The following TMEM260 variants were observed in gnomAD, a reference collection of about 807,000 sequenced individuals.
TMEM260 encodes the protein protein O-mannosyl-transferase TMEM260.
Under a neutral mutation model 88.9 loss-of-function variants are expected in TMEM260, and 82 were observed. That is an observed-to-expected ratio of 0.92 (90% CI 0.77 to 1.11). TMEM260 has a LOEUF of 1.11. TMEM260 is among the 50% of genes least tolerant of loss of function. The pLI is 0.00. For synonymous variants in TMEM260, 314 were observed against 309.3 expected, an observed-to-expected ratio of 1.02 and a Z score of -0.16; for missense variants, 902 against 853.4, an observed-to-expected ratio of 1.06 and a Z score of -0.71.
chr14:56,653,745 A>AAAAAAAAAAAAAAAAAAAAAAAAAC (rs1555343563), downstream of TMEM260, among the ~76,000 whole-genome samples: 1 of 137,368 alleles, frequency 7.3e-6, no homozygotes, highest in Non-Finnish European at 1.6e-5. Context: ...CCAAAACAAA[A>AAAAAAAAAAAAAAAAAAAAAAAAAC]AAAAAAAAAA....
At chr14:56,601,762 AC>A (rs1886590111) in intron 3 of TMEM260, among the ~76,000 whole-genome samples, 1 of 152,064 alleles carries the variant, frequency 6.6e-6, no homozygotes, top group Non-Finnish European at 1.5e-5. Context: ...ACAAGCTGTT[AC>A]TATAATTATT....
At chr14:56,653,686 G>A (rs1255275722), downstream of TMEM260, among the ~76,000 whole-genome samples, 1 of 128,408 alleles carries the variant, frequency 7.8e-6, no homozygotes, top group Non-Finnish European at 1.6e-5. Flanking sequence ...AGTGAGCCGA[G>A]ATCGCGCCAC....
intron 2 of TMEM260, 55 bp downstream of exon 2, chr14:56,585,087 A>C (rs2139497816): frequency 6.5e-7 from 1 of 1,528,644 alleles, no homozygotes; most frequent in Non-Finnish European, 9.0e-7. Flanking sequence ...TTTAGGAATT[A>C]AGAAAGTTTA....
intron 3 of TMEM260, among the ~76,000 whole-genome samples, chr14:56,596,252 C>T (rs1886197400): frequency 6.6e-6 from 1 of 151,744 alleles, no homozygotes; most frequent in Non-Finnish European, 1.5e-5. Flanking sequence ...TCATTAGAAA[C>T]CATTTCTACT....
rs2275024 is a variant in TMEM260, at chr14:56,615,930, A to G, written c.858-14A>G. 929,509 of 1,588,528 alleles carry G rather than the reference A, an allele frequency of 0.59. 277,103 individuals are homozygous for G. The highest frequency in any genetic ancestry group is 0.8 in the African/African-American group (59,406 of 74,328). ...TTGTTTCCTGCCAACAATAAGTTAGATTGTTTTTTGCAGTTCTCAAGTAAC... is the reference window on the plus strand; with the variant it reads ...TTGTTTCCTGCCAACAATAAGTTAGGTTGTTTTTTGCAGTTCTCAAGTAAC... On this transcript the variant is annotated splice_polypyrimidine_tract_variant and intron_variant, in intron 7 of 15. Transcript: ENST00000261556.
At chr14:56,603,211 T>G (rs550300317) in intron 3 of TMEM260, among the ~76,000 whole-genome samples, 7 of 151,150 alleles carry the variant, frequency 4.6e-5, no homozygotes, top group Non-Finnish European at 8.8e-5. Context: ...TCCCATCTTC[T>G]TCTTTAGAAA....
the TMEM260 span, among the ~76,000 whole-genome samples, chr14:56,661,067 C>A: frequency 1.3e-5 from 2 of 152,206 alleles, no homozygotes; most frequent in African/African-American, 4.8e-5. Context: ...ACCAAACAGA[C>A]AACCATGCTA....
intron 3 of TMEM260, among the ~76,000 whole-genome samples, chr14:56,596,383 T>A (rs147793609): frequency 0.08 from 6,513 of 81,238 alleles, 401 homozygotes; most frequent in African/African-American, 0.21. Context: ...TATGTGAGAG[T>A]GTGTGTGTGT....
At chr14:56,651,696 T>C (rs1368444178), downstream of TMEM260, among the ~76,000 whole-genome samples, 1 of 152,246 alleles carries the variant, frequency 6.6e-6, no homozygotes, top group East Asian at 1.9e-4. Flanking sequence ...GAGTTGCAAG[T>C]CTTCTGGTAC....
At chr14:56,640,322 T>A (rs55994601) in intron 15 of TMEM260, among the ~76,000 whole-genome samples, 5,135 of 152,280 alleles carry the variant, frequency 0.034, 139 homozygotes, top group East Asian at 0.099. Context: ...ATCAGGCAGC[T>A]GCATTTGCAG....
intron 15 of TMEM260, 136 bp downstream of exon 15, chr14:56,636,734 C>A: frequency 1.4e-6 from 1 of 720,190 alleles, no homozygotes; most frequent in Non-Finnish European, 2.3e-6. Flanking sequence ...TATAAAGCAG[C>A]ACATATGAAC....
intron 5 of TMEM260, among the ~76,000 whole-genome samples, chr14:56,606,329 A>G (rs1476715792): frequency 6.6e-6 from 1 of 152,210 alleles, no homozygotes; most frequent in Non-Finnish European, 1.5e-5. Context: ...CAAAGCCAGC[A>G]CTAGAGTCGT....
chr14:56,638,754 A>G (rs1038319418), intron 15 of TMEM260, among the ~76,000 whole-genome samples: 3 of 152,134 alleles, frequency 2.0e-5, no homozygotes, highest in East Asian at 1.9e-4. Context: ...ATCCTACTCA[A>G]TAGCTCATAC....
chr14:56,636,108 C>T (rs1202245297), intron 14 of TMEM260, among the ~76,000 whole-genome samples: 1 of 152,090 alleles, frequency 6.6e-6, no homozygotes, highest in East Asian at 1.9e-4. Flanking sequence ...TTCATGGGGT[C>T]TAAGGGTCTG....
chr14:56,604,719 A>G, intron 4 of TMEM260, among the ~76,000 whole-genome samples: 1 of 152,222 alleles, frequency 6.6e-6, no homozygotes, highest in South Asian at 2.1e-4. Flanking sequence ...GAGAAGGCAC[A>G]CTGTTCAGGT....
intron 5 of TMEM260, among the ~76,000 whole-genome samples, chr14:56,607,344 C>T (rs1291090514): frequency 6.6e-6 from 1 of 152,136 alleles, no homozygotes; most frequent in Non-Finnish European, 1.5e-5. Context: ...ATGGAGGATT[C>T]AGAGTTGATA....
the TMEM260 span, among the ~76,000 whole-genome samples, chr14:56,657,187 A>T: frequency 6.4e-4 from 98 of 152,314 alleles, 5 homozygotes; most frequent in East Asian, 0.018. Context: ...TCCAGAGCAC[A>T]GGGGCCCTGC....
intron 10 of TMEM260, among the ~76,000 whole-genome samples, chr14:56,621,092 C>T (rs186271890): frequency 1.3e-5 from 2 of 152,244 alleles, no homozygotes; most frequent in Non-Finnish European, 2.9e-5. Flanking sequence ...GCAAGAAAAT[C>T]ATACAAATGC....
At chr14:56,600,541 A>C (rs1435785589) in intron 3 of TMEM260, among the ~76,000 whole-genome samples, 3 of 152,224 alleles carry the variant, frequency 2.0e-5, no homozygotes, top group Non-Finnish European at 4.4e-5. Flanking sequence ...ACATTTCTTT[A>C]AGGGAGATAC....
Sources: gnomAD v4.1 joint callset for allele counts (sites outside exome capture counted in the v4.1 genomes callset) on GRCh38, gnomAD v4.1.1 for gene constraint, MANE v1.5 for transcripts, NCBI Gene and HGNC (gene_info 2026-07-23, HGNC 2026-07-21) for gene names.